Variants in KSR1 observed in about 807,000 individuals in gnomAD.
The protein encoded by KSR1 is kinase suppressor of ras.
A neutral mutation model predicts 92.9 loss-of-function variants in KSR1; 35 were observed. That is an observed-to-expected ratio of 0.38 (90% CI 0.29 to 0.50). The LOEUF (loss-of-function observed/expected upper bound fraction) is 0.50. KSR1 is among the 20% of genes least tolerant of loss of function. The pLI is 0.94. For synonymous variants in KSR1, 467 were observed against 472.6 expected, an observed-to-expected ratio of 0.99 and a Z score of 0.15; for missense variants, 972 against 1,158.5, an observed-to-expected ratio of 0.84 and a Z score of 2.34.
At chr17:27,474,232 T>A (rs981758438) in intron 1 of KSR1, among the ~76,000 whole-genome samples, 2 of 152,252 alleles carry the variant, frequency 1.3e-5, no homozygotes, top group Non-Finnish European at 2.9e-5. Flanking sequence ...CAGGATTTGT[T>A]ATCTTAGCAC....
At chr17:27,609,936 T>G in intron 16 of KSR1, 131 bp from the exon 17 acceptor site, 1 of 1,159,634 alleles carries the variant, frequency 8.6e-7, no homozygotes, top group Non-Finnish European at 1.2e-6. Context: ...AGGGTCAGTG[T>G]TCTGGGTCTG....
intron 15 of KSR1, 74 bp from the exon 16 acceptor site, chr17:27,609,122 A>C: frequency 6.7e-7 from 1 of 1,483,288 alleles, no homozygotes; most frequent in African/African-American, 1.4e-5. Context: ...ATGGGGATTT[A>C]GGTAAATCAT....
At chr17:27,598,135 G>A (rs2151209853) in intron 10 of KSR1, among the ~76,000 whole-genome samples, 1 of 152,334 alleles carries the variant, frequency 6.6e-6, no homozygotes, top group East Asian at 1.9e-4. Context: ...AAGCAGCAGA[G>A]TGAAGCCCAC....
chr17:27,511,305 T>A (rs1428118667), intron 1 of KSR1, among the ~76,000 whole-genome samples: 1 of 152,174 alleles, frequency 6.6e-6, no homozygotes, highest in Non-Finnish European at 1.5e-5. Context: ...CTCTTACCTT[T>A]CTTCCAGTCT....
chr17:27,595,631 C>G (rs2073314542), intron 9 of KSR1, among the ~76,000 whole-genome samples: 1 of 129,182 alleles, frequency 7.7e-6, no homozygotes, highest in African/African-American at 2.9e-5. Context: ...CACTTTCTCC[C>G]TTCACCCCCC....
intron 18 of KSR1, among the ~76,000 whole-genome samples, chr17:27,616,681 A>C (rs918118034): frequency 2.0e-5 from 3 of 152,170 alleles, no homozygotes; most frequent in African/African-American, 7.2e-5. Context: ...ATGTGCAAGA[A>C]ATAGGCCTTT....
In KSR1 at chr17:27,611,714, G is replaced by A. The variant is rs990051247; in HGVS notation, c.2493+85G>A. The A allele has an allele frequency of 7.2e-6, 11 of 1,536,718 alleles. No homozygotes were observed. In the African/African-American group the frequency reaches 1.5e-4, roughly 21 times the overall value. On this transcript the variant is annotated intron_variant, in intron 18 of 20. Transcript: ENST00000644974. ...ATGGCTGCCCTTCACTCACCCACCT[G>A]AGAAATGGGGTCGGTGAGGAGCTCT...
At chr17:27,619,351 G>T (rs2074152033) in intron 19 of KSR1, among the ~76,000 whole-genome samples, 1 of 151,036 alleles carries the variant, frequency 6.6e-6, no homozygotes, top group South Asian at 2.1e-4. Flanking sequence ...ACCTTTCTTA[G>T]TGTGTGGCCA....
chr17:27,489,179 G>A (rs569788616), intron 1 of KSR1, among the ~76,000 whole-genome samples: 9 of 152,336 alleles, frequency 5.9e-5, no homozygotes, highest in East Asian at 5.8e-4. Context: ...GGCCGGGCCC[G>A]TGGGAGAGTG....
At position 27,604,668 on chromosome 17, in the gene KSR1, G is replaced by A. The variant is rs372375985; in HGVS notation, c.1566-12G>A. ...CCTCAAGGTCTCCTTGACAAACCTT[G>A]TTTACTCTTAGGCTCGATGACCAGC... is the stretch of plus-strand genomic sequence containing the variant. On this transcript the variant is annotated splice_polypyrimidine_tract_variant and intron_variant, in intron 12 of 20. Transcript: ENST00000644974. 6.2e-7 allele frequency: 1 copy of A among 1,613,942 alleles called. No individual in the cohort carries two copies. Among genetic ancestry groups the A allele is most frequent in the East Asian group, 2.2e-5 (1 of 44,890 alleles).
At chr17:27,534,363 T>G (rs1426008713) in intron 1 of KSR1, among the ~76,000 whole-genome samples, 2 of 152,224 alleles carry the variant, frequency 1.3e-5, no homozygotes, top group African/African-American at 4.8e-5. Flanking sequence ...CTAACTGCTT[T>G]CAAAGAGTAC....
At chr17:27,601,689 G>T (rs577841201) in intron 11 of KSR1, among the ~76,000 whole-genome samples, 16 of 152,358 alleles carry the variant, frequency 1.1e-4, no homozygotes, top group African/African-American at 3.8e-4. Context: ...ACTGCTAGGA[G>T]ATGGCAGAAG....
chr17:27,616,948 G>A lies in KSR1; in HGVS notation c.2494-347G>A, dbSNP rs534402336. On this transcript the variant is annotated intron_variant, in intron 18 of 20. Transcript: ENST00000644974. Reference sequence around the variant, plus strand: ...ATTCCGAGCATCTTGCATTTCACCTGTGAACGTTGTACCTTGCACTTTGCA... The same window carrying A: ...ATTCCGAGCATCTTGCATTTCACCTATGAACGTTGTACCTTGCACTTTGCA... Among the ~76,000 whole-genome samples, 219 of 152,314 alleles carry A rather than the reference G, an allele frequency of 1.4e-3. 3 individuals are homozygous for A. Among genetic ancestry groups the A allele is most frequent in the African/African-American group, 5.1e-3 (211 of 41,564 alleles).
At chr17:27,604,602 C>T in intron 12 of KSR1, 78 bp from the exon 13 acceptor site, 1 of 1,409,532 alleles carries the variant, frequency 7.1e-7, no homozygotes, top group Non-Finnish European at 1.0e-6. Flanking sequence ...TGTCTCAGAT[C>T]TCTCCCGGGA....
rs969540948 is a variant in KSR1, at chr17:27,623,617, G to A, written c.*225G>A. On this transcript the variant is annotated 3_prime_UTR_variant, in exon 21 of 21. Coordinates refer to ENST00000644974, the MANE Select transcript of KSR1 (RefSeq NM_001394583.1). The stretch of plus-strand genomic sequence containing the variant: ...ACAACCAAACCTGTCATGACAGACA[G>A]CAAATGTTTACACGTATATTTCTCC... 1 of 618,982 alleles carries A rather than the reference G, an allele frequency of 1.6e-6. No individual in the cohort carries two copies. The highest frequency in any genetic ancestry group is 1.9e-5 in the South Asian group (1 of 52,368). 38.3% of individuals were successfully genotyped at this position (618,982 alleles called of 1,614,324 possible).
chr17:27,511,885 A>G (rs576992434), intron 1 of KSR1, among the ~76,000 whole-genome samples: 1 of 152,232 alleles, frequency 6.6e-6, no homozygotes, highest in Non-Finnish European at 1.5e-5. Flanking sequence ...TGGTGTTAGG[A>G]TAAGCACACC....
At chr17:27,492,491 C>A (rs752988442) in intron 1 of KSR1, among the ~76,000 whole-genome samples, 17 of 152,212 alleles carry the variant, frequency 1.1e-4, no homozygotes, top group Non-Finnish European at 1.6e-4. Flanking sequence ...AGCTCTGTGT[C>A]TGAGCTGCCA....
intron 1 of KSR1, among the ~76,000 whole-genome samples, chr17:27,495,250 C>T (rs1171611664): frequency 6.6e-6 from 1 of 152,206 alleles, no homozygotes. Flanking sequence ...CTCCTCCTCC[C>T]CTGAGCCCTC....
chr17:27,495,198 C>T (rs73271930), intron 1 of KSR1, among the ~76,000 whole-genome samples: 10,115 of 152,246 alleles, frequency 0.066, 453 homozygotes, highest in South Asian at 0.16. Flanking sequence ...ATGCACGCCT[C>T]AGTGGTACAG....
Sources: gnomAD v4.1 joint callset for allele counts (sites outside exome capture counted in the v4.1 genomes callset) on GRCh38, gnomAD v4.1.1 for gene constraint, MANE v1.5 for transcripts, NCBI Gene and HGNC (gene_info 2026-07-23, HGNC 2026-07-21) for gene names.